COA8: variants seen among roughly 807,000 people sequenced by gnomAD.
COA8 encodes the protein cytochrome c oxidase assembly factor 8, also known as UPF0671 protein C14orf153.
A neutral mutation model predicts 22.0 loss-of-function variants in COA8; 20 were observed. The observed-to-expected ratio is 0.91, with a 90% CI of 0.64 to 1.32. The LOEUF (loss-of-function observed/expected upper bound fraction) is 1.32, where lower values mean the gene tolerates loss of function less well. Ranked by LOEUF, COA8 falls within the 40% of genes most tolerant of loss-of-function variation. The probability of loss-of-function intolerance (pLI) is 0.00; values close to 1 mark genes in which losing one functional copy is unlikely to be tolerated. For missense variants in COA8, 266 were observed against 230.0 expected (o/e 1.16, Z -1.01); for synonymous variants, 105 against 79.9 (o/e 1.31, Z -1.68).
chr14:103,563,632 G>A (rs1158290349), intron 1 of COA8, among the ~76,000 whole-genome samples: 1 of 152,226 alleles, frequency 6.6e-6, no homozygotes, highest in Non-Finnish European at 1.5e-5. Context: ...AAGAATGTCT[G>A]TAGCAAGAAT....
intron 1 of COA8, among the ~76,000 whole-genome samples, chr14:103,565,618 A>ATT (rs751191347): frequency 7.0e-5 from 9 of 128,832 alleles, no homozygotes; most frequent in East Asian, 2.2e-4. Flanking sequence ...TTTTTTTTTA[A>ATT]TTTTTTTTTT....
intron 2 of COA8, 35 bp downstream of exon 2, chr14:103,571,855 C>T (rs2076189423): frequency 2.5e-6 from 4 of 1,574,082 alleles, no homozygotes; most frequent in South Asian, 1.1e-5. Context: ...CGGAAGGGTG[C>T]GGTGGCTCAC....
chr14:103,571,262 G>A (rs1486272993), intron 1 of COA8, among the ~76,000 whole-genome samples: 1 of 151,970 alleles, frequency 6.6e-6, no homozygotes, highest in African/African-American at 2.4e-5. Context: ...CCAGCTACTT[G>A]GGAGGCTGAG....
intron 3 of COA8, 66 bp downstream of exon 3, chr14:103,574,236 A>G (rs745901992): frequency 1.2e-6 from 2 of 1,601,774 alleles, no homozygotes; most frequent in South Asian, 2.2e-5. Flanking sequence ...TGAAAAGGGA[A>G]AGGAAGGGCG....
chr14:103,568,486 CACAT>C (rs1443789391), intron 1 of COA8, among the ~76,000 whole-genome samples: 1 of 151,756 alleles, frequency 6.6e-6, no homozygotes, highest in Non-Finnish European at 1.5e-5. Flanking sequence ...CATATATACA[CACAT>C]ATATATACAC....
intron 2 of COA8, 37 bp from the exon 3 acceptor site, chr14:103,574,070 C>CTGAG (rs1190401888): frequency 2.2e-5 from 28 of 1,299,404 alleles, no homozygotes; most frequent in African/African-American, 1.8e-4. Context: ...GAAAGGAGTT[C>CTGAG]TGAGAGCCTT....
chr14:103,571,657 A>G lies in COA8; in HGVS notation c.158A>G (p.His53Arg), dbSNP rs2076185755. The G allele has an allele frequency of 6.2e-7, 1 of 1,614,236 alleles. No homozygotes were observed. Among genetic ancestry groups the G allele is most frequent in the Non-Finnish European group, 8.5e-7 (1 of 1,180,042 alleles). Reference sequence around the variant, plus strand: ...TTCTGCCCTCCAAGAAAGTCTTGCCATGATTGGATAGGACCCCCAGATAAA... The same window carrying G: ...TTCTGCCCTCCAAGAAAGTCTTGCCGTGATTGGATAGGACCCCCAGATAAA... Reference protein sequence around the residue: ...SRFCPPRKSCHDWIGPPDKYS... With the variant: ...SRFCPPRKSCRDWIGPPDKYS... The change falls in exon 2 of 5, where the codon CAT becomes CGT. Residue 53 changes from histidine to arginine, a missense_variant. By Grantham distance (29) the His-to-Arg change is conservative. Transcript: ENST00000409074.
intron 3 of COA8, among the ~76,000 whole-genome samples, chr14:103,586,319 T>G (rs1353674480): frequency 2.7e-5 from 4 of 150,122 alleles, no homozygotes; most frequent in African/African-American, 9.8e-5. Flanking sequence ...GTGACCCTCC[T>G]TCCCCGGCCT....
intron 4 of COA8, chr14:103,588,355 G>T: frequency 2.5e-6 from 1 of 393,012 alleles, no homozygotes; most frequent in South Asian, 1.4e-4. Context: ...GAGCTAGGAG[G>T]ACCACTTGAG....
chr14:103,567,459 T>C (rs1219162907), intron 1 of COA8: 4 of 152,084 alleles, frequency 2.6e-5, no homozygotes, highest in African/African-American at 9.7e-5. Context: ...GGTGTGATTA[T>C]TGATAATTGA....
At chr14:103,577,426 G>A (rs551547983) in intron 3 of COA8, among the ~76,000 whole-genome samples, 16 of 152,164 alleles carry the variant, frequency 1.1e-4, no homozygotes, top group African/African-American at 3.6e-4. Flanking sequence ...CTCAGTTCAT[G>A]GGGGAATGTT....
chr14:103,576,909 T>G lies in COA8; in HGVS notation c.385+2739T>G, dbSNP rs142457067. On this transcript the variant is annotated intron_variant, in intron 3 of 4. Transcript: ENST00000409074. ...AGGGCTGGGTAGGCGCAGGGATCAG[T>G]GTCCCGGAAATGTGAGGAAGGGCAA... 9.3e-4 allele frequency among the ~76,000 whole-genome samples: 142 copies of G among 152,294 alleles called. 3 individuals are homozygous for G. The East Asian group carries it at 0.02, about 22-fold the overall frequency.
At chr14:103,566,727 A>C (rs982984717) in intron 1 of COA8, among the ~76,000 whole-genome samples, 3 of 152,220 alleles carry the variant, frequency 2.0e-5, no homozygotes, top group African/African-American at 7.2e-5. Context: ...AGGGGCAGGC[A>C]GGTTGATGCT....
intron 3 of COA8, chr14:103,574,398 G>T: frequency 1.5e-6 from 1 of 679,142 alleles, no homozygotes; most frequent in Non-Finnish European, 2.7e-6. Context: ...AGGTGGTTAT[G>T]ATGGATGACC....
rs1359048993 is a variant in COA8 at position 103,563,040 on chromosome 14, C to G, written c.39C>G (p.Pro13=). The G allele has an allele frequency of 1.3e-6, 2 of 1,545,492 alleles. No homozygotes were observed. The highest frequency in any genetic ancestry group is 2.3e-5 in the South Asian group (2 of 85,172). Residue 13 remains proline (P), a synonymous_variant, in exon 1 of 5, where the codon CCC becomes CCG. Coordinates refer to ENST00000409074, the MANE Select transcript of COA8 (RefSeq NM_001370595.2). Reference sequence around the variant, plus strand: ...GGGCGGGGAAGAAGACCTTTCTCCCCCCTCTCTGCCGCGCCTTCGCCTGCC... The same window carrying G: ...GGGCGGGGAAGAAGACCTTTCTCCCGCCTCTCTGCCGCGCCTTCGCCTGCC... ...VLRAGKKTFL[P]PLCRAFACRG... is the part of the protein sequence containing the mutation.
intron 3 of COA8, among the ~76,000 whole-genome samples, chr14:103,574,953 T>C (rs1174020227): frequency 1.3e-5 from 2 of 152,244 alleles, no homozygotes; most frequent in African/African-American, 4.8e-5. Flanking sequence ...AAGTAGATAC[T>C]GTTATCTTTA....
chr14:103,587,300 G>A lies in COA8; in HGVS notation c.412G>A (p.Glu138Lys). Reference sequence around the variant, plus strand: ...TCAGAAAGCAACATTGAATGCAGAAGAAATGGCGGACTTCTACAAGGAATT... The same window carrying A: ...TCAGAAAGCAACATTGAATGCAGAAAAAATGGCGGACTTCTACAAGGAATT... ...SGQKATLNAE[E>K]MADFYKEFLS... Residue 138 changes from glutamate to lysine, a missense_variant, in exon 4 of 5, where the codon GAA (glutamate) becomes AAA (lysine). Coordinates refer to ENST00000409074, the MANE Select transcript of COA8 (RefSeq NM_001370595.2). The A allele has an allele frequency of 6.2e-7, 1 of 1,613,436 alleles. No homozygotes were observed. Among genetic ancestry groups the A allele is most frequent in the Non-Finnish European group, 8.5e-7 (1 of 1,179,654 alleles).
chr14:103,587,516 T>C (rs1384705651), intron 4 of COA8, 152 bp downstream of exon 4: 10 of 532,410 alleles, frequency 1.9e-5, no homozygotes, highest in Admixed American at 3.7e-5. Context: ...TTCTTTTTTT[T>C]TTTTTTTTTG....
intron 2 of COA8, among the ~76,000 whole-genome samples, chr14:103,573,008 C>T (rs898302199): frequency 2.6e-5 from 4 of 151,938 alleles, no homozygotes; most frequent in African/African-American, 9.7e-5. Flanking sequence ...GTCTTGATCT[C>T]CTGACCTCGT....
Sources: gnomAD v4.1 joint callset for allele counts (sites outside exome capture counted in the v4.1 genomes callset) on GRCh38, gnomAD v4.1.1 for gene constraint, MANE v1.5 for transcripts, NCBI Gene and HGNC (gene_info 2026-07-23, HGNC 2026-07-21) for gene names.